Variants in PTPRD observed in about 807,000 individuals in gnomAD.
PTPRD encodes the protein receptor-type tyrosine-protein phosphatase delta.
PTPRD carries 34 observed loss-of-function variants against 214.5 expected under a neutral mutation model. The ratio of observed to expected loss-of-function variants is 0.16; its 90% confidence interval spans 0.12 to 0.21. The LOEUF (loss-of-function observed/expected upper bound fraction) is 0.21. Ranked by LOEUF, PTPRD falls within the 10% of genes least tolerant of loss-of-function variation. PTPRD has a pLI of 1.00. For missense variants in PTPRD, 2,545 were observed against 2,398.7 expected (o/e 1.06, Z -1.27); for synonymous variants, 1,128 against 845.7 (o/e 1.33, Z -5.79).
chr9:8,948,938 G>A (rs1215461078), intron 11 of PTPRD, among the ~76,000 whole-genome samples: 1 of 151,788 alleles, frequency 6.6e-6, no homozygotes, highest in Admixed American at 6.6e-5. Context: ...AGTATAGTAA[G>A]ATTTGTTTCT....
At chr9:9,239,449 C>T (rs1024185238) in intron 9 of PTPRD, among the ~76,000 whole-genome samples, 6 of 152,020 alleles carry the variant, frequency 3.9e-5, no homozygotes, top group Non-Finnish European at 5.9e-5. Context: ...AATGATAAAT[C>T]GAACCTAAGA....
intron 9 of PTPRD, among the ~76,000 whole-genome samples, chr9:9,255,218 T>C (rs532036582): frequency 1.2e-4 from 19 of 152,208 alleles, no homozygotes; most frequent in African/African-American, 4.1e-4. Context: ...GAATAAAATA[T>C]GTTTGCTTTG....
At chr9:10,476,390 A>G (rs1462706494) in intron 2 of PTPRD, among the ~76,000 whole-genome samples, 1 of 151,888 alleles carries the variant, frequency 6.6e-6, no homozygotes, top group African/African-American at 2.4e-5. Context: ...CACAATTGCT[A>G]CAAAGAGGAG....
chr9:9,596,256 T>C (rs991936828), intron 7 of PTPRD, among the ~76,000 whole-genome samples: 1 of 152,008 alleles, frequency 6.6e-6, no homozygotes, highest in Non-Finnish European at 1.5e-5. Flanking sequence ...TTGTGATATA[T>C]ATCAGATAAA....
intron 4 of PTPRD, among the ~76,000 whole-genome samples, chr9:9,957,330 A>G (rs2094008683): frequency 6.6e-6 from 1 of 152,176 alleles, no homozygotes; most frequent in South Asian, 2.1e-4. Context: ...TAAAATTACA[A>G]AAGACATATT....
intron 3 of PTPRD, among the ~76,000 whole-genome samples, chr9:10,172,622 T>C (rs908731240): frequency 6.6e-6 from 1 of 152,198 alleles, no homozygotes; most frequent in Admixed American, 6.5e-5. Flanking sequence ...CTGACTCTTC[T>C]TCAACCTCAT....
intron 5 of PTPRD, among the ~76,000 whole-genome samples, chr9:9,810,380 G>C (rs1018770610): frequency 6.6e-6 from 1 of 152,044 alleles, no homozygotes. Flanking sequence ...TGGCTTCAAA[G>C]CTTCAAAGGA....
At chr9:9,938,383 G>C (rs1471791320) in intron 5 of PTPRD, 124 bp downstream of exon 5, 1 of 152,134 alleles carries the variant, frequency 6.6e-6, no homozygotes, top group African/African-American at 2.4e-5. Context: ...GAAATGCAGT[G>C]TTTTCGTATT....
intron 3 of PTPRD, among the ~76,000 whole-genome samples, chr9:10,051,451 C>A (rs210035): frequency 0.59 from 89,348 of 151,694 alleles, 27,975 homozygotes; most frequent in East Asian, 0.85. Context: ...AGTTTTTTTA[C>A]ATTTTATTAT....
At chr9:8,818,589 G>A (rs537778539) in intron 11 of PTPRD, among the ~76,000 whole-genome samples, 1 of 152,198 alleles carries the variant, frequency 6.6e-6, no homozygotes, top group African/African-American at 2.4e-5. Flanking sequence ...AAGCAATCTG[G>A]CAAAAGCCAC....
intron 7 of PTPRD, among the ~76,000 whole-genome samples, chr9:9,729,186 A>G (rs966824975): frequency 6.6e-6 from 1 of 152,170 alleles, no homozygotes; most frequent in African/African-American, 2.4e-5. Flanking sequence ...GTTGCTTAAG[A>G]AAACAGAATT....
intron 11 of PTPRD, among the ~76,000 whole-genome samples, chr9:8,917,698 A>G (rs1365698097): frequency 6.6e-6 from 1 of 152,122 alleles, no homozygotes; most frequent in Non-Finnish European, 1.5e-5. Context: ...ATAAATATAA[A>G]CAAACAATCC....
chr9:10,421,958 A>T lies in PTPRD; in HGVS notation c.-599-80941T>A, dbSNP rs948129188. Among the ~76,000 whole-genome samples, 8 of 151,990 alleles carry T rather than the reference A, an allele frequency of 5.3e-5. No individual in the cohort carries two copies. In the East Asian group the frequency reaches 1.6e-3, roughly 30 times the overall value. On this transcript the variant is annotated intron_variant, in intron 2 of 45. Transcript: ENST00000381196. ...AAATTATAGATTAGTATGGAGAATG[A>T]TTTAAGTATAAAAATTCATTCATTA...
intron 8 of PTPRD, among the ~76,000 whole-genome samples, chr9:9,543,936 G>A (rs1446405886): frequency 6.6e-6 from 1 of 151,576 alleles, no homozygotes; most frequent in Non-Finnish European, 1.5e-5. Context: ...TACAAATTTT[G>A]CTTTGAGTCC....
intron 2 of PTPRD, among the ~76,000 whole-genome samples, chr9:10,353,167 C>G (rs566330532): frequency 1.9e-3 from 296 of 152,016 alleles, no homozygotes; most frequent in Non-Finnish European, 3.4e-3. Context: ...TCGGCTAAAT[C>G]ACAACTTTAT....
intron 2 of PTPRD, among the ~76,000 whole-genome samples, chr9:10,449,829 G>C (rs1479218172): frequency 6.6e-6 from 1 of 150,812 alleles, no homozygotes; most frequent in Non-Finnish European, 1.5e-5. Flanking sequence ...AAGAAAGAGA[G>C]ATCAGATTGT....
chr9:10,530,383 T>A (rs2055861021), intron 2 of PTPRD, among the ~76,000 whole-genome samples: 1 of 152,142 alleles, frequency 6.6e-6, no homozygotes, highest in African/African-American at 2.4e-5. Flanking sequence ...TGCAAAAAGT[T>A]TAAACCCCAT....
chr9:10,332,137 G>T lies in PTPRD; in HGVS notation c.-545+8826C>A, dbSNP rs185051427. Among the ~76,000 whole-genome samples, 412 of 151,916 alleles carry T rather than the reference G, an allele frequency of 2.7e-3. 4 individuals are homozygous for T. The highest frequency in any genetic ancestry group is 0.022 in the South Asian group (105 of 4,828). The stretch of plus-strand genomic sequence containing the variant: ...TGGATGCATTTCATGTGAAAGTGTT[G>T]CTTCTTTTCCCTTGAAAATTTGCTA... On this transcript the variant is annotated intron_variant, in intron 3 of 45. Coordinates refer to ENST00000381196, the MANE Select transcript of PTPRD (RefSeq NM_002839.4).
intron 12 of PTPRD, among the ~76,000 whole-genome samples, chr9:8,691,892 G>A (rs1162111330): frequency 6.6e-6 from 1 of 152,130 alleles, no homozygotes; most frequent in Non-Finnish European, 1.5e-5. Flanking sequence ...AACAACAAAA[G>A]TCTTGAAATA....
Sources: allele counts gnomAD v4.1 joint callset (sites outside exome capture counted in the v4.1 genomes callset), GRCh38; gene constraint gnomAD v4.1.1; transcripts MANE v1.5; gene names NCBI Gene and HGNC (gene_info 2026-07-23, HGNC 2026-07-21).